CCDC7: variants seen among roughly 807,000 people sequenced by gnomAD.
The protein encoded by CCDC7 is coiled-coil domain-containing protein 7.
CCDC7 carries 183 observed loss-of-function variants against 196.9 expected under a neutral mutation model. The ratio of observed to expected loss-of-function variants is 0.93; its 90% CI spans 0.82 to 1.05. The LOEUF is 1.05. CCDC7 is among the 50% of genes least tolerant of loss of function. The pLI is 0.00. For missense variants in CCDC7, 1,540 were observed against 1,482.2 expected (o/e 1.04, Z -0.64); for synonymous variants, 525 against 484.6 (o/e 1.08, Z -1.10).
chr10:32,498,521 G>A (rs978750745), intron 9 of CCDC7, among the ~76,000 whole-genome samples: 2 of 152,078 alleles, frequency 1.3e-5, no homozygotes, highest in South Asian at 2.1e-4. Flanking sequence ...GGCTGGTACC[G>A]GTTATTCCTT....
chr10:32,791,867 T>G (rs998981205), intron 29 of CCDC7, among the ~76,000 whole-genome samples: 1 of 152,186 alleles, frequency 6.6e-6, no homozygotes, highest in Non-Finnish European at 1.5e-5. Context: ...TCTAGATCCA[T>G]GAAGCTCAAA....
chr10:32,515,630 G>A (rs1186270165), intron 9 of CCDC7, among the ~76,000 whole-genome samples: 2 of 151,892 alleles, frequency 1.3e-5, no homozygotes, highest in Non-Finnish European at 2.9e-5. Flanking sequence ...TGCAAGCTCT[G>A]CCTCCCGGGT....
At chr10:32,828,485 G>GAAGAAGAAGAAGAAGAA (rs1491309680) in intron 32 of CCDC7, among the ~76,000 whole-genome samples, 1 of 49,750 alleles carries the variant, frequency 2.0e-5, no homozygotes, top group Non-Finnish European at 4.4e-5. Flanking sequence ...AAGAGGAAGA[G>GAAGAAGAAGAAGAAGAA]GAAGAAGAAG....
intron 18 of CCDC7, among the ~76,000 whole-genome samples, chr10:32,589,924 A>G (rs1439762162): frequency 1.3e-5 from 2 of 151,780 alleles, no homozygotes; most frequent in Non-Finnish European, 2.9e-5. Flanking sequence ...TTTCATCCCT[A>G]TGCTTTCAGT....
intron 28 of CCDC7, among the ~76,000 whole-genome samples, chr10:32,760,784 A>G (rs1412772928): frequency 1.3e-5 from 2 of 151,296 alleles, no homozygotes; most frequent in East Asian, 3.9e-4. Flanking sequence ...ACAAAAAAAA[A>G]GAACACCCAA....
chr10:32,770,204 C>T (rs577147613), intron 28 of CCDC7, among the ~76,000 whole-genome samples: 1 of 152,184 alleles, frequency 6.6e-6, no homozygotes, highest in South Asian at 2.1e-4. Context: ...TCAGGAGCAA[C>T]GTTGGGTTGT....
At chr10:32,669,607 G>A (rs148334593) in intron 21 of CCDC7, among the ~76,000 whole-genome samples, 65 of 152,094 alleles carry the variant, frequency 4.3e-4, no homozygotes, top group Non-Finnish European at 7.7e-4. Context: ...ATTTAGTCAT[G>A]GTAGGTTGCA....
intron 13 of CCDC7, 95 bp downstream of exon 14, chr10:32,544,396 G>A (rs1282668237): frequency 1.0e-5 from 13 of 1,276,200 alleles, no homozygotes; most frequent in Non-Finnish European, 1.4e-5. Flanking sequence ...TGATTATAGG[G>A]TATATATGTC....
chr10:32,573,907 A>AT (rs2057884216), intron 16 of CCDC7, among the ~76,000 whole-genome samples: 1 of 152,234 alleles, frequency 6.6e-6, no homozygotes, highest in Non-Finnish European at 1.5e-5. Context: ...CCCTCAATGC[A>AT]TTAACAGTCT....
At chr10:32,560,630 T>C (rs1208923103) in intron 13 of CCDC7, among the ~76,000 whole-genome samples, 1 of 152,286 alleles carries the variant, frequency 6.6e-6, no homozygotes, top group Non-Finnish European at 1.5e-5. Flanking sequence ...CTGAGAGATT[T>C]TGTCACCACC....
chr10:32,689,626 C>G (rs1365889954), intron 23 of CCDC7, among the ~76,000 whole-genome samples: 2 of 152,152 alleles, frequency 1.3e-5, no homozygotes, highest in Non-Finnish European at 2.9e-5. Context: ...CATGGCCCCA[C>G]TGAAATGAAA....
intron 11 of CCDC7, among the ~76,000 whole-genome samples, chr10:32,528,663 C>T (rs202094256): frequency 5.5e-5 from 5 of 91,288 alleles, no homozygotes; most frequent in Non-Finnish European, 1.2e-4. Flanking sequence ...TATATATATA[C>T]ACACACATAT....
chr10:32,672,836 C>G (rs552087209), intron 21 of CCDC7, among the ~76,000 whole-genome samples: 32 of 152,268 alleles, frequency 2.1e-4, no homozygotes, highest in African/African-American at 5.3e-4. Context: ...GCCCATGACA[C>G]CTCTCTGGGC....
At chr10:32,645,598 T>C (rs2067631885) in intron 20 of CCDC7, among the ~76,000 whole-genome samples, 1 of 151,120 alleles carries the variant, frequency 6.6e-6, no homozygotes, top group Non-Finnish European at 1.5e-5. Context: ...TGGGATAGTT[T>C]GAATAGAACT....
exon 30 of CCDC7, chr10:32,805,039 G>T: frequency 6.2e-7 from 1 of 1,611,706 alleles, no homozygotes; most frequent in Non-Finnish European, 8.5e-7. Flanking sequence ...AGCTTGAGAG[G>T]TGCTTTGGGA....
chr10:32,771,255 G>T lies in CCDC7; in HGVS notation c.2906-7722G>T, dbSNP rs1004318810. On this transcript the variant is annotated intron_variant, in intron 28 of 41. Coordinates refer to ENST00000639629, the Ensembl canonical transcript of CCDC7. Reference sequence around the variant, plus strand: ...GAATTCCTTTAATATTTCTTATAGGGCTGATTTGGTAGTGACAAATTTCCT... The same window carrying T: ...GAATTCCTTTAATATTTCTTATAGGTCTGATTTGGTAGTGACAAATTTCCT... 3.9e-5 allele frequency among the ~76,000 whole-genome samples: 6 copies of T among 152,074 alleles called. 1 individual carries two copies. The highest frequency in any genetic ancestry group is 1.4e-4 in the African/African-American group (6 of 41,408).
At chr10:32,575,533 A>G (rs1385159786) in intron 16 of CCDC7, among the ~76,000 whole-genome samples, 3 of 152,166 alleles carry the variant, frequency 2.0e-5, no homozygotes, top group Non-Finnish European at 4.4e-5. Context: ...CTCACATATC[A>G]CTTCACAAAA....
intron 24 of CCDC7, among the ~76,000 whole-genome samples, chr10:32,710,769 G>A (rs1197562289): frequency 6.6e-6 from 1 of 152,188 alleles, no homozygotes; most frequent in Non-Finnish European, 1.5e-5. Context: ...GAAAGGCATT[G>A]TGCTTAATTG....
chr10:32,872,123 C>T (rs917970640), intron 41 of CCDC7, among the ~76,000 whole-genome samples: 49 of 151,952 alleles, frequency 3.2e-4, no homozygotes, highest in Non-Finnish European at 6.0e-4. Flanking sequence ...CTATTAGTTC[C>T]GCTTGGTGCA....
Sources: allele counts gnomAD v4.1 joint callset (sites outside exome capture counted in the v4.1 genomes callset), GRCh38; gene constraint gnomAD v4.1.1; transcripts MANE v1.5; gene names NCBI Gene and HGNC (gene_info 2026-07-23, HGNC 2026-07-21).